The following TRIM49 variants were observed in gnomAD, a reference collection of about 807,000 sequenced individuals.
TRIM49 encodes tripartite motif-containing protein 49.
Under a neutral mutation model 27.4 loss-of-function variants are expected in TRIM49, and 5 were observed. The observed-to-expected ratio is 0.18, with a 90% CI of 0.10 to 0.38. The LOEUF is 0.38. Among genes scored for constraint, TRIM49 ranks in the 10% least tolerant of loss-of-function variants. The pLI, the probability that TRIM49 is intolerant of heterozygous loss-of-function variation, is 1.00. For missense variants in TRIM49, 188 were observed against 487.5 expected, an observed-to-expected ratio of 0.39 and a Z score of 5.79; for synonymous variants, 69 against 166.0, an observed-to-expected ratio of 0.42 and a Z score of 4.49.
At chr11:89,768,595 CCT>C in the TRIM49 span, among the ~76,000 whole-genome samples, 12 of 135,356 alleles carry the variant, frequency 8.9e-5, 1 homozygote, top group Non-Finnish European at 1.7e-4. Flanking sequence ...AACAGAAACC[CCT>C]GAGTCACTTG....
At chr11:89,794,525 C>G (rs373752350), downstream of TRIM49, among the ~76,000 whole-genome samples, 4 of 150,548 alleles carry the variant, frequency 2.7e-5, no homozygotes, top group Admixed American at 2.6e-4. Flanking sequence ...GCATCGGACT[C>G]GTGCCGAAAC....
chr11:89,778,089 A>G, the TRIM49 span: 9 of 630,560 alleles, frequency 1.4e-5, no homozygotes, highest in East Asian at 2.4e-4. Flanking sequence ...GCTAAATTCA[A>G]ACTACCAGTT....
At chr11:89,804,512 G>T (rs773451176) in intron 2 of TRIM49, 39 bp from the exon 3 acceptor site, 3 of 1,531,066 alleles carry the variant, frequency 2.0e-6, no homozygotes, top group Admixed American at 3.6e-5. Context: ...TGGGGCCTGG[G>T]TTGATGAAAA....
chr11:89,796,077 T>C (rs951346931), downstream of TRIM49, among the ~76,000 whole-genome samples: 1 of 151,814 alleles, frequency 6.6e-6, no homozygotes, highest in Non-Finnish European at 1.5e-5. Context: ...TCACTTACTC[T>C]AATAAAAATA....
the TRIM49 span, among the ~76,000 whole-genome samples, chr11:89,768,987 T>C: frequency 1.5e-5 from 2 of 135,376 alleles, no homozygotes; most frequent in East Asian, 2.1e-4. Flanking sequence ...CAGACTAGCC[T>C]GGACAACATG....
the TRIM49 span, among the ~76,000 whole-genome samples, chr11:89,770,488 G>A: frequency 5.6e-5 from 8 of 141,670 alleles, 1 homozygote; most frequent in East Asian, 2.0e-4. Context: ...AAATAGCCAC[G>A]CACCTTCGTT....
chr11:89,768,008 T>G, the TRIM49 span, among the ~76,000 whole-genome samples: 1 of 138,036 alleles, frequency 7.2e-6, no homozygotes, highest in Non-Finnish European at 1.5e-5. Flanking sequence ...GTTATATGGC[T>G]GATTCCACCA....
At chr11:89,791,203 G>A in the TRIM49 span, among the ~76,000 whole-genome samples, 1 of 151,654 alleles carries the variant, frequency 6.6e-6, no homozygotes, top group African/African-American at 2.4e-5. Context: ...AGAGAAAAGA[G>A]TAAAAAGAAG....
the TRIM49 span, chr11:89,782,012 G>A: frequency 6.5e-7 from 1 of 1,527,268 alleles, no homozygotes. Context: ...CAGCTTTGCT[G>A]TGTGGGGAGC....
chr11:89,803,148 A>G (rs1328994819), intron 4 of TRIM49, among the ~76,000 whole-genome samples: 1 of 147,318 alleles, frequency 6.8e-6, no homozygotes, highest in African/African-American at 2.6e-5. Context: ...GTCTCCCTCA[A>G]GACACAAATC....
At position 89,804,057 on chromosome 11, in the gene TRIM49, ACCCGGTGTT is replaced by A. The variant is rs1440211615; in HGVS notation, c.404_411+1del. 6.2e-7 allele frequency: 1 copy of A among 1,603,574 alleles called. No individual in the cohort carries two copies. The highest frequency in any genetic ancestry group is 8.5e-7 in the Non-Finnish European group (1 of 1,174,044). On this transcript the variant is annotated splice_donor_variant and coding_sequence_variant, in exon 3 of 8. Transcript: ENST00000329758. LOFTEE classifies it high-confidence loss of function. ...AAATCGATCTTCAGAGCCATCACTT[ACCCGGTGTT>A]CCTCAGCAGCCCACTCAATGGGACG...
At chr11:89,801,093 T>G in intron 5 of TRIM49, 105 bp from the exon 6 acceptor site, 1 of 1,445,960 alleles carries the variant, frequency 6.9e-7, no homozygotes, top group Non-Finnish European at 9.4e-7. Flanking sequence ...ATTATTTCCC[T>G]ACCATCTTCT....
the TRIM49 span, among the ~76,000 whole-genome samples, chr11:89,792,152 A>G: frequency 0.028 from 4,223 of 151,532 alleles, 24 homozygotes; most frequent in South Asian, 0.1. Context: ...AAAGAAGGCC[A>G]TTACGTAATG....
intron 6 of TRIM49, among the ~76,000 whole-genome samples, chr11:89,800,415 C>T (rs1237977058): frequency 6.6e-6 from 1 of 151,654 alleles, no homozygotes; most frequent in East Asian, 1.9e-4. Context: ...CAAAAAAAAA[C>T]TTATCTTTCT....
In TRIM49 at chr11:89,808,221, T is replaced by A. The variant is rs536002016; in HGVS notation, c.-191+216A>T. Among the ~76,000 whole-genome samples the A allele has an allele frequency of 2.4e-4, 35 of 143,554 alleles. 1 individual carries two copies. In the South Asian group the frequency reaches 5.1e-3, roughly 21 times the overall value. 94.2% of individuals were successfully genotyped at this position (143,554 alleles called of 152,430 possible). A position where few individuals can be genotyped will look rare whatever the true frequency, so the allele number is the denominator to read the frequency against. Reference sequence around the variant, plus strand: ...GTTGTTATATGAAAATTATTTTTTTTAAAAAAGAGATTTCAGAAGGGACTA... The same window carrying A: ...GTTGTTATATGAAAATTATTTTTTTAAAAAAAGAGATTTCAGAAGGGACTA... On this transcript the variant is annotated intron_variant, in intron 1 of 7. Transcript: ENST00000329758.
At chr11:89,800,091 C>T (rs1464873189) in intron 6 of TRIM49, among the ~76,000 whole-genome samples, 8 of 148,502 alleles carry the variant, frequency 5.4e-5, no homozygotes, top group Non-Finnish European at 7.4e-5. Context: ...TATTTAGAAA[C>T]GAAATTCTGA....
At chr11:89,770,660 C>A in the TRIM49 span, among the ~76,000 whole-genome samples, 2 of 141,150 alleles carry the variant, frequency 1.4e-5, 1 homozygote, top group East Asian at 4.2e-4. Context: ...GAGATTGAGA[C>A]CATCCTGGCT....
At chr11:89,807,783 G>A (rs1460045649) in intron 1 of TRIM49, among the ~76,000 whole-genome samples, 1 of 150,246 alleles carries the variant, frequency 6.7e-6, no homozygotes, top group African/African-American at 2.5e-5. Flanking sequence ...TGGTCCTCTG[G>A]TCTCGGCCTT....
chr11:89,792,696 C>T (rs1445771360), downstream of TRIM49, among the ~76,000 whole-genome samples: 18 of 152,026 alleles, frequency 1.2e-4, no homozygotes, highest in Non-Finnish European at 1.8e-4. Context: ...TTGAAACCAA[C>T]GAGAACAAAG....
Sources: allele counts gnomAD v4.1 joint callset (sites outside exome capture counted in the v4.1 genomes callset), GRCh38; gene constraint gnomAD v4.1.1; transcripts MANE v1.5; gene names NCBI Gene and HGNC (gene_info 2026-07-23, HGNC 2026-07-21).